CACNA2D3: variants seen among roughly 807,000 people sequenced by gnomAD.
The protein encoded by CACNA2D3 is calcium voltage-gated channel auxiliary subunit alpha2delta 3.
CACNA2D3 carries 60 observed loss-of-function variants against 160.6 expected under a neutral mutation model. The observed-to-expected ratio is 0.37, with a 90% CI of 0.30 to 0.46. CACNA2D3 has a LOEUF of 0.46. Among genes scored for constraint, CACNA2D3 ranks in the 20% least tolerant of loss-of-function variants. The probability of loss-of-function intolerance (pLI) is 1.00; values close to 1 mark genes in which losing one functional copy is unlikely to be tolerated. For synonymous variants in CACNA2D3, 558 were observed against 492.9 expected (o/e 1.13, Z -1.75); for missense variants, 1,205 against 1,365.0 (o/e 0.88, Z 1.85).
chr3:54,860,997 C>T (rs550119840), intron 17 of CACNA2D3, among the ~76,000 whole-genome samples: 24 of 152,308 alleles, frequency 1.6e-4, no homozygotes, highest in East Asian at 3.9e-4. Flanking sequence ...TTCATTCCCT[C>T]GGTCCACTCA....
chr3:54,888,649 G>A (rs1424992919), intron 24 of CACNA2D3, among the ~76,000 whole-genome samples: 1 of 152,122 alleles, frequency 6.6e-6, no homozygotes, highest in Non-Finnish European at 1.5e-5. Flanking sequence ...ATTTTCATGT[G>A]TTACATGATT....
chr3:54,350,968 G>GGTTTTTTTTTTTTTTTTTTTTTTTTT (rs1698542647), intron 3 of CACNA2D3, among the ~76,000 whole-genome samples: 1 of 56,106 alleles, frequency 1.8e-5, no homozygotes, highest in Non-Finnish European at 3.5e-5. Flanking sequence ...TCTTGAGTCT[G>GGTTTTTTTTTTTTTTTTTTTTTTTTT]TTTTTTTTTT....
intron 4 of CACNA2D3, among the ~76,000 whole-genome samples, chr3:54,428,175 C>T (rs1699936314): frequency 6.6e-6 from 1 of 152,172 alleles, no homozygotes; most frequent in Non-Finnish European, 1.5e-5. Flanking sequence ...TGAATTAAAT[C>T]AATCTGAGCA....
intron 4 of CACNA2D3, among the ~76,000 whole-genome samples, chr3:54,431,356 A>T (rs1233113518): frequency 1.3e-5 from 2 of 151,788 alleles, no homozygotes; most frequent in Non-Finnish European, 2.9e-5. Flanking sequence ...AAGAAAAATC[A>T]TAAAGAAGAT....
intron 35 of CACNA2D3, among the ~76,000 whole-genome samples, chr3:55,037,040 GA>G (rs11295228): frequency 0.87 from 131,555 of 152,062 alleles, 57,175 homozygotes; most frequent in African/African-American, 0.94. Flanking sequence ...GCCAGGCTGG[GA>G]AAACCTCTGC....
At chr3:54,780,627 G>T (rs1162565940) in intron 13 of CACNA2D3, among the ~76,000 whole-genome samples, 1 of 152,192 alleles carries the variant, frequency 6.6e-6, no homozygotes, top group African/African-American at 2.4e-5. Flanking sequence ...TTCTTCATCA[G>T]ATTGTAAATG....
At position 54,887,943 on chromosome 3, in the gene CACNA2D3, C is replaced by G. The variant is rs1251479988; in HGVS notation, c.2057-16C>G. On this transcript the variant is annotated splice_polypyrimidine_tract_variant and intron_variant, in intron 23 of 37. Coordinates refer to ENST00000474759, the MANE Select transcript of CACNA2D3 (RefSeq NM_018398.3). Reference sequence around the variant, plus strand: ...CAGCCCTGCTGAAGCATCCTCTTGTCTGTCCCTCCCAACAGGTGATAAAGA... The same window carrying G: ...CAGCCCTGCTGAAGCATCCTCTTGTGTGTCCCTCCCAACAGGTGATAAAGA... 5 of 1,606,870 alleles carry G rather than the reference C, an allele frequency of 3.1e-6. No individual in the cohort carries two copies. The highest frequency in any genetic ancestry group is 4.3e-6 in the Non-Finnish European group (5 of 1,173,408).
chr3:54,230,872 A>C (rs1701756310), intron 2 of CACNA2D3, among the ~76,000 whole-genome samples: 1 of 152,258 alleles, frequency 6.6e-6, no homozygotes, highest in African/African-American at 2.4e-5. Flanking sequence ...TAATAGGACA[A>C]AATACATAAA....
intron 27 of CACNA2D3, among the ~76,000 whole-genome samples, chr3:54,919,972 G>A (rs771336171): frequency 6.6e-6 from 1 of 152,072 alleles, no homozygotes; most frequent in Non-Finnish European, 1.5e-5. Context: ...GATGGCCCTC[G>A]GCACTGTCTG....
intron 27 of CACNA2D3, among the ~76,000 whole-genome samples, chr3:54,915,217 G>A (rs1575368228): frequency 6.6e-6 from 1 of 152,250 alleles, no homozygotes; most frequent in East Asian, 1.9e-4. Context: ...AAGCTTTTCA[G>A]ATATAAAGTT....
chr3:54,996,948 C>G (rs1000315938), intron 31 of CACNA2D3, among the ~76,000 whole-genome samples: 3 of 152,164 alleles, frequency 2.0e-5, no homozygotes, highest in Admixed American at 6.5e-5. Context: ...CACGTGTTCT[C>G]ACTCATAATT....
intron 2 of CACNA2D3, among the ~76,000 whole-genome samples, chr3:54,196,159 C>T (rs932550012): frequency 9.9e-5 from 15 of 152,224 alleles, no homozygotes; most frequent in African/African-American, 3.4e-4. Context: ...AAGCATTTGT[C>T]TACTGAAATA....
chr3:54,459,018 C>T (rs991547800), intron 4 of CACNA2D3, among the ~76,000 whole-genome samples: 2 of 152,092 alleles, frequency 1.3e-5, no homozygotes, highest in East Asian at 1.9e-4. Context: ...TGAGAACATG[C>T]GGTGTTTGGT....
intron 13 of CACNA2D3, among the ~76,000 whole-genome samples, chr3:54,807,001 G>A (rs1490848911): frequency 4.6e-5 from 7 of 152,138 alleles, no homozygotes; most frequent in Admixed American, 6.5e-5. Flanking sequence ...GGCTAGCCAT[G>A]TGGAGAAAGC....
At chr3:54,934,383 G>T (rs1259981377) in intron 27 of CACNA2D3, among the ~76,000 whole-genome samples, 1 of 146,446 alleles carries the variant, frequency 6.8e-6, no homozygotes, top group African/African-American at 2.5e-5. Context: ...GTAAGAAAGT[G>T]GGGAGGTTGT....
At chr3:54,150,276 T>G (rs996328689) in intron 2 of CACNA2D3, among the ~76,000 whole-genome samples, 1 of 152,176 alleles carries the variant, frequency 6.6e-6, no homozygotes, top group East Asian at 1.9e-4. Context: ...CCTTTTCAGT[T>G]TCTACTTTAA....
intron 2 of CACNA2D3, among the ~76,000 whole-genome samples, chr3:54,190,032 C>T (rs73085957): frequency 0.025 from 3,782 of 152,246 alleles, 62 homozygotes; most frequent in Non-Finnish European, 0.038. Flanking sequence ...TCTGAAAGTC[C>T]GAGATCAAGG....
intron 10 of CACNA2D3, chr3:54,632,553 A>G (rs1297155454): frequency 1.3e-5 from 2 of 152,250 alleles, no homozygotes; most frequent in African/African-American, 4.8e-5. Context: ...CAGTAAGGAC[A>G]GAGTCTTAGC....
chr3:54,941,923 C>G (rs900710531), intron 27 of CACNA2D3, among the ~76,000 whole-genome samples: 4 of 152,218 alleles, frequency 2.6e-5, no homozygotes, highest in Non-Finnish European at 5.9e-5. Flanking sequence ...ATGGGATAAA[C>G]TTCAACCTCG....
Sources: gnomAD v4.1 joint callset for allele counts (sites outside exome capture counted in the v4.1 genomes callset) on GRCh38, gnomAD v4.1.1 for gene constraint, MANE v1.5 for transcripts, NCBI Gene and HGNC (gene_info 2026-07-23, HGNC 2026-07-21) for gene names.